EXOC6B: variants seen among roughly 807,000 people sequenced by gnomAD.
The protein encoded by EXOC6B is SEC15 homolog B.
A neutral mutation model predicts 113.5 loss-of-function variants in EXOC6B; 54 were observed. The observed-to-expected ratio is 0.48, with a 90% CI of 0.38 to 0.60. The LOEUF is 0.60. Among genes scored for constraint, EXOC6B ranks in the 20% least tolerant of loss-of-function variants. The pLI, the probability that EXOC6B is intolerant of heterozygous loss-of-function variation, is 0.00. For synonymous variants in EXOC6B, 357 were observed against 339.0 expected (o/e 1.05, Z -0.58); for missense variants, 797 against 977.5 (o/e 0.82, Z 2.46).
At chr2:72,417,194 A>G (rs1431702985) in intron 18 of EXOC6B, among the ~76,000 whole-genome samples, 1 of 152,220 alleles carries the variant, frequency 6.6e-6, no homozygotes, top group Admixed American at 6.5e-5. Flanking sequence ...AATTACTGTC[A>G]GATACTCTGG....
At chr2:72,492,232 G>T in intron 16 of EXOC6B, 86 bp downstream of exon 16, 1 of 633,446 alleles carries the variant, frequency 1.6e-6, no homozygotes, top group East Asian at 2.8e-5. Flanking sequence ...CATGTAGAAA[G>T]TTTTAACGAA....
At chr2:72,661,988 G>A (rs886420499) in intron 6 of EXOC6B, among the ~76,000 whole-genome samples, 2 of 150,810 alleles carry the variant, frequency 1.3e-5, no homozygotes, top group Non-Finnish European at 2.9e-5. Context: ...TAATTATATG[G>A]TGTTGGAACA....
At chr2:72,489,170 T>A (rs1217714160) in intron 16 of EXOC6B, among the ~76,000 whole-genome samples, 1 of 152,190 alleles carries the variant, frequency 6.6e-6, no homozygotes, top group Non-Finnish European at 1.5e-5. Flanking sequence ...TTAACCCAGG[T>A]GCTTTTTCTT....
intron 8 of EXOC6B, among the ~76,000 whole-genome samples, chr2:72,521,376 TACC>T (rs1429933847): frequency 6.6e-6 from 1 of 152,220 alleles, no homozygotes; most frequent in Non-Finnish European, 1.5e-5. Context: ...TATTTTGTTA[TACC>T]AGCACAAATG....
chr2:72,679,347 G>T (rs1418584489), intron 6 of EXOC6B, among the ~76,000 whole-genome samples: 4 of 152,090 alleles, frequency 2.6e-5, no homozygotes, highest in Non-Finnish European at 4.4e-5. Context: ...GGATTTACAG[G>T]CGTCAGCCAC....
intron 1 of EXOC6B, among the ~76,000 whole-genome samples, chr2:72,812,255 G>A (rs900353822): frequency 5.3e-5 from 8 of 151,950 alleles, no homozygotes; most frequent in Non-Finnish European, 1.2e-4. Context: ...CACAGACGCC[G>A]AAATTAAAAA....
intron 1 of EXOC6B, among the ~76,000 whole-genome samples, chr2:72,762,103 G>A (rs1158834363): frequency 2.0e-5 from 3 of 152,026 alleles, no homozygotes; most frequent in Non-Finnish European, 4.4e-5. Context: ...AATTAGCTGG[G>A]CGTGGTGGCA....
chr2:72,535,906 A>G (rs1312645232), intron 8 of EXOC6B, among the ~76,000 whole-genome samples: 1 of 151,712 alleles, frequency 6.6e-6, no homozygotes, highest in African/African-American at 2.4e-5. Flanking sequence ...AAAATCTTCC[A>G]CCAGTGTTTT....
At chr2:72,633,122 AT>A (rs1672584638) in intron 6 of EXOC6B, among the ~76,000 whole-genome samples, 1 of 152,152 alleles carries the variant, frequency 6.6e-6, no homozygotes, top group Admixed American at 6.5e-5. Flanking sequence ...TTTACCACTC[AT>A]TGCAAAATAC....
chr2:72,268,923 C>G (rs1684307737), intron 20 of EXOC6B, among the ~76,000 whole-genome samples: 1 of 152,128 alleles, frequency 6.6e-6, no homozygotes, highest in East Asian at 1.9e-4. Flanking sequence ...CCAATTAAAC[C>G]TCTTTTCTTT....
chr2:72,749,607 TTAAA>T (rs1302530274), intron 1 of EXOC6B, among the ~76,000 whole-genome samples: 2 of 152,030 alleles, frequency 1.3e-5, no homozygotes, highest in Non-Finnish European at 2.9e-5. Flanking sequence ...ACATATTTAA[TTAAA>T]TAATTACTCT....
chr2:72,340,099 G>A (rs960953865), intron 19 of EXOC6B, among the ~76,000 whole-genome samples: 5 of 152,022 alleles, frequency 3.3e-5, no homozygotes, highest in Admixed American at 6.6e-5. Context: ...TCACTTAGTC[G>A]AGGGGAAAGA....
chr2:72,321,661 A>G (rs990786784), intron 20 of EXOC6B, among the ~76,000 whole-genome samples: 4 of 152,206 alleles, frequency 2.6e-5, no homozygotes, highest in African/African-American at 2.4e-5. Context: ...TATTCCATTT[A>G]TATGGCATTT....
At chr2:72,319,165 A>G (rs2104821555) in intron 20 of EXOC6B, among the ~76,000 whole-genome samples, 1 of 152,092 alleles carries the variant, frequency 6.6e-6, no homozygotes, top group South Asian at 2.1e-4. Flanking sequence ...AAGTTTAGAA[A>G]TAATGGCTAA....
intron 20 of EXOC6B, among the ~76,000 whole-genome samples, chr2:72,211,323 A>C (rs1473955514): frequency 1.3e-5 from 2 of 152,146 alleles, no homozygotes; most frequent in Non-Finnish European, 2.9e-5. Flanking sequence ...TCTATTAATA[A>C]ATGTTCCATA....
At chr2:72,684,564 C>T (rs530503282) in intron 6 of EXOC6B, among the ~76,000 whole-genome samples, 38 of 152,152 alleles carry the variant, frequency 2.5e-4, no homozygotes, top group Admixed American at 5.9e-4. Context: ...CAAACTGAAA[C>T]ATCTCAGGTA....
intron 6 of EXOC6B, among the ~76,000 whole-genome samples, chr2:72,664,901 G>A (rs1330288370): frequency 1.3e-5 from 2 of 152,338 alleles, no homozygotes; most frequent in South Asian, 2.1e-4. Context: ...ATCCCAGAGG[G>A]GCCAAAGGAT....
At chr2:72,219,680 T>C (rs1205099815) in intron 20 of EXOC6B, among the ~76,000 whole-genome samples, 1 of 152,210 alleles carries the variant, frequency 6.6e-6, no homozygotes, top group African/African-American at 2.4e-5. Context: ...TTTTCATTTT[T>C]TTCTGCTCTG....
At chr2:72,580,012 C>A (rs922765138) in intron 6 of EXOC6B, among the ~76,000 whole-genome samples, 1 of 151,686 alleles carries the variant, frequency 6.6e-6, no homozygotes, top group Non-Finnish European at 1.5e-5. Flanking sequence ...CTCAAAGCTG[C>A]CACAAGGCTT....
Sources: allele counts gnomAD v4.1 joint callset (sites outside exome capture counted in the v4.1 genomes callset), GRCh38; gene constraint gnomAD v4.1.1; transcripts MANE v1.5; gene names NCBI Gene and HGNC (gene_info 2026-07-23, HGNC 2026-07-21).